GALNT13: variants seen among roughly 807,000 people sequenced by gnomAD.
GALNT13 encodes the protein UDP-GalNAc:polypeptide N-acetylgalactosaminyltransferase 13.
A neutral mutation model predicts 64.2 loss-of-function variants in GALNT13; 28 were observed. The observed-to-expected ratio is 0.44, with a 90% CI of 0.32 to 0.60. The LOEUF is 0.60. Among genes scored for constraint, GALNT13 ranks in the 20% least tolerant of loss-of-function variants. The probability of loss-of-function intolerance (pLI) is 0.05; values close to 1 mark genes in which losing one functional copy is unlikely to be tolerated. For missense variants in GALNT13, 577 were observed against 669.8 expected (o/e 0.86, Z 1.53); for synonymous variants, 214 against 224.6 (o/e 0.95, Z 0.42).
the GALNT13 span, among the ~76,000 whole-genome samples, chr2:153,144,895 T>C: frequency 1.3e-5 from 2 of 151,938 alleles, no homozygotes; most frequent in African/African-American, 4.8e-5. Flanking sequence ...TTAGAAATTA[T>C]ATGCATGATT....
chr2:153,226,077 C>T, the GALNT13 span, among the ~76,000 whole-genome samples: 1 of 152,052 alleles, frequency 6.6e-6, no homozygotes, highest in Non-Finnish European at 1.5e-5. Context: ...GCTGGGACTA[C>T]AGGCACGTGC....
chr2:153,177,038 C>T, the GALNT13 span, among the ~76,000 whole-genome samples: 1 of 152,008 alleles, frequency 6.6e-6, no homozygotes, highest in African/African-American at 2.4e-5. Flanking sequence ...CAGATTGAGG[C>T]ACCGGGGTAC....
At chr2:153,504,797 A>G in the GALNT13 span, among the ~76,000 whole-genome samples, 9 of 152,020 alleles carry the variant, frequency 5.9e-5, no homozygotes, top group Non-Finnish European at 8.8e-5. Flanking sequence ...TATTTTGTTG[A>G]GGATTTTTGC....
At chr2:153,203,303 A>T in the GALNT13 span, among the ~76,000 whole-genome samples, 1 of 152,238 alleles carries the variant, frequency 6.6e-6, no homozygotes, top group South Asian at 2.1e-4. Flanking sequence ...CAGAAAATTT[A>T]GAGTGCATTT....
the GALNT13 span, among the ~76,000 whole-genome samples, chr2:153,225,887 C>G: frequency 6.6e-6 from 1 of 152,104 alleles, no homozygotes; most frequent in African/African-American, 2.4e-5. Context: ...CGTGTCAATT[C>G]TCATCTTGCT....
At chr2:153,859,354 T>C in the GALNT13 span, among the ~76,000 whole-genome samples, 26 of 152,332 alleles carry the variant, frequency 1.7e-4, no homozygotes, top group Admixed American at 1.6e-3. Context: ...GATTTTTAAC[T>C]GGAATCAATT....
At chr2:154,257,088 C>T (rs1483687665) in intron 7 of GALNT13, among the ~76,000 whole-genome samples, 1 of 152,056 alleles carries the variant, frequency 6.6e-6, no homozygotes, top group African/African-American at 2.4e-5. Context: ...AAAAAACTAT[C>T]CAGGAGTATC....
chr2:153,909,633 A>G (rs947679979), intron 2 of GALNT13, among the ~76,000 whole-genome samples: 5 of 152,162 alleles, frequency 3.3e-5, no homozygotes, highest in African/African-American at 9.6e-5. Flanking sequence ...AGTTTTTAAC[A>G]TGAAGGGATG....
At chr2:154,326,619 G>A (rs369875377) in intron 9 of GALNT13, among the ~76,000 whole-genome samples, 10 of 151,954 alleles carry the variant, frequency 6.6e-5, no homozygotes, top group East Asian at 1.9e-4. Flanking sequence ...CAATTTTTCC[G>A]TTCCTTTGGA....
chr2:153,295,471 C>T, the GALNT13 span, among the ~76,000 whole-genome samples: 1 of 150,174 alleles, frequency 6.7e-6, no homozygotes, highest in Non-Finnish European at 1.5e-5. Flanking sequence ...CTGAACTTGT[C>T]TTTCTTCAGG....
intron 12 of GALNT13, among the ~76,000 whole-genome samples, chr2:154,448,609 A>G (rs932657055): frequency 1.3e-5 from 2 of 152,052 alleles, no homozygotes; most frequent in Non-Finnish European, 2.9e-5. Context: ...AATTCCTTCA[A>G]ATAAATCATA....
chr2:154,029,263 A>G (rs1698187838), intron 3 of GALNT13, among the ~76,000 whole-genome samples: 1 of 151,714 alleles, frequency 6.6e-6, no homozygotes, highest in Admixed American at 6.6e-5. Context: ...TAAGAAGTAC[A>G]GGAATCACTC....
At chr2:153,483,328 G>A in the GALNT13 span, among the ~76,000 whole-genome samples, 50 of 150,394 alleles carry the variant, frequency 3.3e-4, no homozygotes, top group South Asian at 6.3e-4. Context: ...CAACCCAAAC[G>A]TCCATCAACA....
At chr2:154,245,779 T>G in intron 6 of GALNT13, 33 bp from the exon 7 acceptor site, 1 of 1,389,504 alleles carries the variant, frequency 7.2e-7, no homozygotes, top group Non-Finnish European at 1.0e-6. Flanking sequence ...TTAATTATCA[T>G]GTGTCTATAA....
At chr2:153,906,751 G>A (rs536632561) in intron 2 of GALNT13, among the ~76,000 whole-genome samples, 1 of 151,626 alleles carries the variant, frequency 6.6e-6, no homozygotes, top group African/African-American at 2.4e-5. Flanking sequence ...AATCCTTTGG[G>A]TATATACCCA....
In GALNT13 at chr2:154,105,839, T is replaced by C. The variant is rs142584878; in HGVS notation, c.143-34498T>C. ...GTGCAGTGAAGAGACTAAATTTTTA[T>C]TTTATTTCAATTAATTTAAATTAAA... On this transcript the variant is annotated intron_variant, in intron 3 of 12. Coordinates refer to ENST00000392825, the MANE Select transcript of GALNT13 (RefSeq NM_052917.4). Among the ~76,000 whole-genome samples, 573 of 152,318 alleles carry C rather than the reference T, an allele frequency of 3.8e-3. 7 individuals carry two copies. Among genetic ancestry groups the C allele is most frequent in the African/African-American group, 0.013 (551 of 41,578 alleles).
At chr2:154,138,758 T>A (rs1431482562) in intron 3 of GALNT13, among the ~76,000 whole-genome samples, 1 of 151,998 alleles carries the variant, frequency 6.6e-6, no homozygotes, top group East Asian at 1.9e-4. Context: ...AATGTCATTG[T>A]CTCACCGACA....
At chr2:153,956,916 C>A (rs920878721) in intron 3 of GALNT13, among the ~76,000 whole-genome samples, 2 of 152,138 alleles carry the variant, frequency 1.3e-5, no homozygotes, top group South Asian at 2.1e-4. Context: ...TGTAGACTAT[C>A]TCCGAGAACC....
chr2:153,513,398 A>C, the GALNT13 span, among the ~76,000 whole-genome samples: 10,928 of 152,252 alleles, frequency 0.072, 1,315 homozygotes, highest in African/African-American at 0.25. Flanking sequence ...AACACATCAA[A>C]TTATCAGACT....
Sources: gnomAD v4.1 joint callset for allele counts (sites outside exome capture counted in the v4.1 genomes callset) on GRCh38, gnomAD v4.1.1 for gene constraint, MANE v1.5 for transcripts, NCBI Gene and HGNC (gene_info 2026-07-23, HGNC 2026-07-21) for gene names.